Variants in FTO observed in about 807,000 individuals in gnomAD.
FTO encodes alpha-ketoglutarate-dependent dioxygenase FTO.
In FTO, 47 loss-of-function variants were observed where a neutral mutation model predicts 63.9. The observed-to-expected ratio is 0.74, with a 90% CI of 0.58 to 0.94. The LOEUF (loss-of-function observed/expected upper bound fraction) is 0.94, where lower values mean the gene tolerates loss of function less well. Ranked by LOEUF, FTO falls within the 40% of genes least tolerant of loss-of-function variation. The pLI, the probability that FTO is intolerant of heterozygous loss-of-function variation, is 0.00. For missense variants in FTO, 562 were observed against 618.1 expected (o/e 0.91, Z 0.96); for synonymous variants, 207 against 224.4 (o/e 0.92, Z 0.69).
At chr16:53,798,533 C>G (rs2078139000) in intron 1 of FTO, among the ~76,000 whole-genome samples, 2 of 152,010 alleles carry the variant, frequency 1.3e-5, no homozygotes, top group South Asian at 4.1e-4. Context: ...TGTTAAGGTA[C>G]ATGGTATTTA....
At chr16:53,922,118 A>G (rs1344796156) in intron 7 of FTO, among the ~76,000 whole-genome samples, 1 of 152,096 alleles carries the variant, frequency 6.6e-6, no homozygotes, top group East Asian at 1.9e-4. Context: ...AACAACAACA[A>G]TTTTCTTGTC....
chr16:53,782,625 A>AT (rs920458850), intron 1 of FTO, among the ~76,000 whole-genome samples: 15 of 152,316 alleles, frequency 9.8e-5, no homozygotes, highest in Admixed American at 7.2e-4. Flanking sequence ...CTCCAGATTG[A>AT]TTAAGTGGTT....
intron 7 of FTO, among the ~76,000 whole-genome samples, chr16:53,896,438 T>C (rs966323471): frequency 6.6e-6 from 1 of 151,890 alleles, no homozygotes; most frequent in African/African-American, 2.4e-5. Context: ...AATGAAGTAG[T>C]GTACAAAATA....
At chr16:53,852,205 G>C (rs560076450) in intron 4 of FTO, among the ~76,000 whole-genome samples, 3 of 151,864 alleles carry the variant, frequency 2.0e-5, no homozygotes, top group African/African-American at 7.2e-5. Context: ...GAGCTCGGGA[G>C]GTTGAGCCTA....
chr16:54,079,928 A>T (rs1486633640), intron 8 of FTO, among the ~76,000 whole-genome samples: 1 of 152,138 alleles, frequency 6.6e-6, no homozygotes, highest in Admixed American at 6.5e-5. Flanking sequence ...AAGAGTCATT[A>T]CTATTTAGGC....
intron 4 of FTO, among the ~76,000 whole-genome samples, chr16:53,850,510 A>C (rs1249228453): frequency 6.6e-6 from 1 of 152,032 alleles, no homozygotes; most frequent in Non-Finnish European, 1.5e-5. Flanking sequence ...TACTCTAAGG[A>C]TAGGGATCTG....
At chr16:54,017,826 T>C (rs1331425148) in intron 8 of FTO, among the ~76,000 whole-genome samples, 2 of 152,074 alleles carry the variant, frequency 1.3e-5, no homozygotes, top group African/African-American at 4.8e-5. Flanking sequence ...CCAGTCTCCC[T>C]CTCTAGACAT....
chr16:53,954,394 T>C (rs909041783), intron 8 of FTO, among the ~76,000 whole-genome samples: 1 of 152,168 alleles, frequency 6.6e-6, no homozygotes, highest in African/African-American at 2.4e-5. Context: ...GAATCTTTAC[T>C]ACAATAAAAC....
At chr16:54,004,460 A>G (rs1477172283) in intron 8 of FTO, among the ~76,000 whole-genome samples, 1 of 152,152 alleles carries the variant, frequency 6.6e-6, no homozygotes, top group East Asian at 1.9e-4. Flanking sequence ...AAAGTAGCAG[A>G]ATATCCTATG....
At chr16:53,964,851 T>C (rs1008941047) in intron 8 of FTO, among the ~76,000 whole-genome samples, 5 of 152,244 alleles carry the variant, frequency 3.3e-5, no homozygotes, top group African/African-American at 1.2e-4. Context: ...GATAAAATAG[T>C]ATGAAGATTT....
chr16:53,858,992 T>G (rs578140260), intron 4 of FTO, among the ~76,000 whole-genome samples: 1 of 152,318 alleles, frequency 6.6e-6, no homozygotes, highest in East Asian at 1.9e-4. Flanking sequence ...AAAAGATCTT[T>G]AATCCACTTT....
intron 3 of FTO, among the ~76,000 whole-genome samples, chr16:53,835,928 T>C (rs1021575947): frequency 6.6e-6 from 1 of 151,538 alleles, no homozygotes; most frequent in Non-Finnish European, 1.5e-5. Flanking sequence ...TTTGCTCTTG[T>C]CACCCAGGCT....
chr16:53,925,532 C>A (rs1327961261), intron 7 of FTO, among the ~76,000 whole-genome samples: 13 of 151,986 alleles, frequency 8.6e-5, no homozygotes, highest in African/African-American at 3.1e-4. Context: ...ATCCTGTTTC[C>A]ATGCATTTCC....
chr16:53,889,072 C>T, intron 7 of FTO, 121 bp downstream of exon 7: 1 of 1,198,670 alleles, frequency 8.3e-7, no homozygotes, highest in East Asian at 2.4e-5. Context: ...TTAGATTCTT[C>T]TTGGTAAGGT....
At chr16:53,800,651 C>G (rs1413500597) in intron 1 of FTO, among the ~76,000 whole-genome samples, 3 of 151,460 alleles carry the variant, frequency 2.0e-5, no homozygotes, top group African/African-American at 7.3e-5. Context: ...TGTTTGAAGA[C>G]CTGTTATTAG....
At chr16:53,757,910 G>A (rs2076960784) in intron 1 of FTO, among the ~76,000 whole-genome samples, 1 of 152,196 alleles carries the variant, frequency 6.6e-6, no homozygotes, top group Non-Finnish European at 1.5e-5. Flanking sequence ...GAAACATACA[G>A]GGTTTTACCA....
intron 8 of FTO, among the ~76,000 whole-genome samples, chr16:53,970,388 G>A (rs1009242212): frequency 1.3e-5 from 2 of 151,940 alleles, no homozygotes; most frequent in Non-Finnish European, 2.9e-5. Context: ...TCAGGAGTTC[G>A]AGACCAGCTT....
intron 2 of FTO, among the ~76,000 whole-genome samples, chr16:53,824,622 C>A (rs915949301): frequency 6.6e-6 from 1 of 150,878 alleles, no homozygotes; most frequent in Non-Finnish European, 1.5e-5. Context: ...AAAAAAAAAA[C>A]GTTTGGAAGA....
chr16:53,739,938 C>G (rs943487023), intron 1 of FTO, among the ~76,000 whole-genome samples: 6 of 152,112 alleles, frequency 3.9e-5, no homozygotes, highest in African/African-American at 1.4e-4. Flanking sequence ...AAGGAGCCAT[C>G]ATAGATCTAT....
Sources: allele counts gnomAD v4.1 joint callset (sites outside exome capture counted in the v4.1 genomes callset), GRCh38; gene constraint gnomAD v4.1.1; transcripts MANE v1.5; gene names NCBI Gene and HGNC (gene_info 2026-07-23, HGNC 2026-07-21).